PCM1: variants seen among roughly 807,000 people sequenced by gnomAD.
The protein encoded by PCM1 is pericentriolar material 1 protein.
PCM1 carries 157 observed loss-of-function variants against 241.9 expected under a neutral mutation model. The observed-to-expected ratio is 0.65, with a 90% CI of 0.57 to 0.74. The LOEUF (loss-of-function observed/expected upper bound fraction) is 0.74, where lower values mean the gene tolerates loss of function less well. Ranked by LOEUF, PCM1 falls within the 30% of genes least tolerant of loss-of-function variation. The pLI, the probability that PCM1 is intolerant of heterozygous loss-of-function variation, is 0.00. For missense variants in PCM1, 3,478 were observed against 2,360.1 expected, an observed-to-expected ratio of 1.47 and a Z score of -9.81; for synonymous variants, 1,085 against 784.9, an observed-to-expected ratio of 1.38 and a Z score of -6.39.
At chr8:17,934,448 A>G (rs1585758630) in intron 2 of PCM1, among the ~76,000 whole-genome samples, 1 of 152,032 alleles carries the variant, frequency 6.6e-6, no homozygotes, top group East Asian at 1.9e-4. Flanking sequence ...TTTAGTAGAG[A>G]TGGGGTTTTA....
chr8:17,948,589 C>T (rs1014086010), intron 7 of PCM1, among the ~76,000 whole-genome samples: 21 of 152,064 alleles, frequency 1.4e-4, no homozygotes, highest in African/African-American at 5.1e-4. Flanking sequence ...AGGCGTCAGC[C>T]ACCGTGCCTG....
chr8:17,952,223 A>C (rs2066301350), intron 8 of PCM1, among the ~76,000 whole-genome samples: 1 of 92,774 alleles, frequency 1.1e-5, no homozygotes, highest in Non-Finnish European at 2.5e-5. Context: ...ACTTTGTCTC[A>C]AAAATAAATA....
intron 30 of PCM1, among the ~76,000 whole-genome samples, chr8:18,008,454 G>A (rs1302691321): frequency 1.3e-5 from 2 of 152,022 alleles, no homozygotes; most frequent in Non-Finnish European, 2.9e-5. Flanking sequence ...GTGTAATAAA[G>A]GGCACAGTCA....
intron 6 of PCM1, among the ~76,000 whole-genome samples, chr8:17,945,577 T>C (rs1752172497): frequency 1.3e-5 from 2 of 152,224 alleles, no homozygotes; most frequent in South Asian, 2.1e-4. Context: ...TGTTTACTTA[T>C]TAATTTTATG....
At chr8:18,001,072 A>G (rs2089241540) in intron 29 of PCM1, among the ~76,000 whole-genome samples, 2 of 152,232 alleles carry the variant, frequency 1.3e-5, no homozygotes, top group South Asian at 4.1e-4. Context: ...TGATTTGAGA[A>G]TAGAAAGGGG....
intron 26 of PCM1, chr8:17,986,382 T>C (rs2082605649): frequency 5.5e-6 from 1 of 180,430 alleles, no homozygotes; most frequent in Non-Finnish European, 1.1e-5. Flanking sequence ...TTTACAAATG[T>C]ATGTTGTATT....
chr8:17,960,837 G>T (rs965474969), intron 15 of PCM1, among the ~76,000 whole-genome samples: 6 of 151,952 alleles, frequency 3.9e-5, no homozygotes, highest in Non-Finnish European at 7.4e-5. Flanking sequence ...TAGTATTAAG[G>T]TGACAGAATT....
intron 29 of PCM1, among the ~76,000 whole-genome samples, chr8:17,998,597 G>A (rs992452331): frequency 2.0e-5 from 3 of 152,180 alleles, no homozygotes; most frequent in African/African-American, 7.2e-5. Context: ...CACTGTGACT[G>A]TGCTGGGTCA....
chr8:17,979,467 G>A (rs1371861737), intron 23 of PCM1, among the ~76,000 whole-genome samples: 1 of 152,192 alleles, frequency 6.6e-6, no homozygotes, highest in Non-Finnish European at 1.5e-5. Flanking sequence ...TGGAATAAGT[G>A]TGTGAATATT....
chr8:17,947,569 A>G (rs2064311431), intron 7 of PCM1, among the ~76,000 whole-genome samples: 2 of 152,224 alleles, frequency 1.3e-5, no homozygotes, highest in Non-Finnish European at 2.9e-5. Context: ...TACCATGCAG[A>G]TAGCCAGATC....
intron 34 of PCM1, among the ~76,000 whole-genome samples, chr8:18,013,270 A>G (rs776330435): frequency 5.9e-5 from 9 of 152,142 alleles, no homozygotes; most frequent in Non-Finnish European, 1.0e-4. Context: ...TCAGTATTCT[A>G]TTTAGGTTGG....
At position 17,960,460 on chromosome 8, in the gene PCM1, A is replaced by G. The variant is rs750470598; in HGVS notation, c.2322+16A>G. On this transcript the variant is annotated intron_variant, in intron 15 of 38. Coordinates refer to ENST00000325083, the MANE Select transcript of PCM1 (RefSeq NM_006197.4). ...TGACTTACAGGTAATTATGAAATTT[A>G]TTTCTAATTGTCTGAAAAAAGATGT... 1.9e-6 allele frequency: 3 copies of G among 1,565,394 alleles called. No homozygotes were observed. Among genetic ancestry groups the G allele is most frequent in the Non-Finnish European group, 2.6e-6 (3 of 1,161,382 alleles).
chr8:17,953,229 A>G (rs769699334), intron 9 of PCM1, 43 bp downstream of exon 9: 3 of 992,690 alleles, frequency 3.0e-6, no homozygotes, highest in Admixed American at 4.2e-5. Flanking sequence ...AAGACACACA[A>G]GTATATATAC....
At chr8:17,975,628 C>T (rs142149504) in intron 23 of PCM1, among the ~76,000 whole-genome samples, 17 of 152,228 alleles carry the variant, frequency 1.1e-4, no homozygotes, top group Non-Finnish European at 1.9e-4. Context: ...GTGGGAATTA[C>T]ACTGCTGTCT....
Position 18,029,927 on chromosome 8 carries a change from T to A in PCM1, c.*2265T>A, listed in dbSNP as rs1345626932. On this transcript the variant is annotated 3_prime_UTR_variant, in exon 39 of 39. Transcript: ENST00000325083. Reference sequence around the variant, plus strand: ...TGGGTAAATGCTTTTTCACTGTTAATAAATATATATCCTGTATACAACCCT... The same window carrying A: ...TGGGTAAATGCTTTTTCACTGTTAAAAAATATATATCCTGTATACAACCCT... 5.4e-6 allele frequency: 1 copy of A among 184,486 alleles called. No individual in the cohort carries two copies. Among genetic ancestry groups the A allele is most frequent in the Non-Finnish European group, 1.2e-5 (1 of 86,948 alleles). 11.4% of individuals were successfully genotyped at this position (184,486 alleles called of 1,614,324 possible).
chr8:18,006,187 TTG>T, intron 29 of PCM1, 74 bp from the exon 30 acceptor site: 1 of 1,125,742 alleles, frequency 8.9e-7, no homozygotes, highest in African/African-American at 1.6e-5. Context: ...AATTAACATT[TTG>T]TATTATATGG....
At position 18,013,517 on chromosome 8, in the gene PCM1, G is replaced by T. The variant is rs560318066; in HGVS notation, c.5512-447G>T. Among the ~76,000 whole-genome samples, 6 of 152,240 alleles carry T rather than the reference G, an allele frequency of 3.9e-5. No homozygotes were observed. In the East Asian group the frequency reaches 1.2e-3, roughly 29 times the overall value. ...ACAGTTTTAAACAACTACCACCACC[G>T]TTTCATCTCCAGCTCCTGCCCCAAC... On this transcript the variant is annotated intron_variant, in intron 34 of 38. Transcript: ENST00000325083.
At chr8:17,948,479 A>G (rs1239933463) in intron 7 of PCM1, among the ~76,000 whole-genome samples, 2 of 151,188 alleles carry the variant, frequency 1.3e-5, no homozygotes, top group African/African-American at 4.9e-5. Flanking sequence ...TAATTTTTGT[A>G]TTTTTAGTAG....
intron 29 of PCM1, among the ~76,000 whole-genome samples, chr8:17,999,249 G>A (rs1055715442): frequency 2.6e-5 from 4 of 152,014 alleles, no homozygotes; most frequent in African/African-American, 7.3e-5. Context: ...CTCAGTATAC[G>A]TTGGATCTCA....
Sources: allele counts gnomAD v4.1 joint callset (sites outside exome capture counted in the v4.1 genomes callset), GRCh38; gene constraint gnomAD v4.1.1; transcripts MANE v1.5; gene names NCBI Gene and HGNC (gene_info 2026-07-23, HGNC 2026-07-21).